ANKS1B: variants seen among roughly 807,000 people sequenced by gnomAD.
ANKS1B encodes ankyrin repeat and sterile alpha motif domain containing 1B, also known as ankyrin repeat and sterile alpha motif domain-containing protein 1B.
In ANKS1B, 36 loss-of-function variants were observed where a neutral mutation model predicts 148.3. The ratio of observed to expected loss-of-function variants is 0.24; its 90% CI spans 0.19 to 0.32. The LOEUF is 0.32. ANKS1B is among the 10% of genes least tolerant of loss of function. The pLI is 1.00. For missense variants in ANKS1B, 1,157 were observed against 1,542.6 expected, an observed-to-expected ratio of 0.75 and a Z score of 4.19; for synonymous variants, 542 against 560.8, an observed-to-expected ratio of 0.97 and a Z score of 0.47.
At chr12:99,146,291 C>A (rs1002071531) in intron 15 of ANKS1B, among the ~76,000 whole-genome samples, 2 of 152,012 alleles carry the variant, frequency 1.3e-5, no homozygotes, top group African/African-American at 4.8e-5. Context: ...AACTGTGATG[C>A]AATAGAATAA....
chr12:98,758,680 G>GA (rs1258490267), intron 25 of ANKS1B, among the ~76,000 whole-genome samples: 1 of 152,138 alleles, frequency 6.6e-6, no homozygotes, highest in Non-Finnish European at 1.5e-5. Context: ...GTCCAATGGG[G>GA]AAAAACCTCC....
intron 16 of ANKS1B, among the ~76,000 whole-genome samples, chr12:99,058,615 C>T (rs1489884565): frequency 6.6e-6 from 1 of 151,408 alleles, no homozygotes; most frequent in Admixed American, 6.6e-5. Context: ...ATTTTTGGGG[C>T]ATAATCCACT....
intron 9 of ANKS1B, among the ~76,000 whole-genome samples, chr12:99,653,714 C>CTATCA (rs1381472479): frequency 5.4e-5 from 7 of 129,850 alleles, no homozygotes; most frequent in Non-Finnish European, 9.3e-5. Context: ...GAGTCTCACT[C>CTATCA]TATCATAACC....
At chr12:99,837,277 T>A (rs2085003202) in intron 1 of ANKS1B, among the ~76,000 whole-genome samples, 1 of 152,164 alleles carries the variant, frequency 6.6e-6, no homozygotes, top group Non-Finnish European at 1.5e-5. Context: ...CACACCTTGA[T>A]TTTAGCCCAG....
At chr12:99,250,031 A>G (rs570586397) in intron 12 of ANKS1B, among the ~76,000 whole-genome samples, 1 of 152,342 alleles carries the variant, frequency 6.6e-6, no homozygotes, top group East Asian at 1.9e-4. Context: ...GGCATGCCAC[A>G]TTATAGGGGC....
rs1407239287 is a variant in ANKS1B, at chr12:99,650,744, AAAAAT to A, written c.1272+4318_1272+4322del. Among the ~76,000 whole-genome samples the A allele has an allele frequency of 2.0e-5, 3 of 152,322 alleles. No homozygotes were observed. The East Asian group carries it at 5.8e-4, about 29-fold the overall frequency. The stretch of plus-strand genomic sequence containing the variant: ...CCAATTTTAGTATTCTTGGAGATAG[AAAAAT>A]AAAATGTAATATAGGATCAATTCAT... On this transcript the variant is annotated intron_variant, in intron 9 of 26. Coordinates refer to ENST00000683438, the MANE Select transcript of ANKS1B (RefSeq NM_001352186.2).
chr12:99,011,445 G>A (rs1408789920), intron 17 of ANKS1B, among the ~76,000 whole-genome samples: 1 of 152,172 alleles, frequency 6.6e-6, no homozygotes, highest in Non-Finnish European at 1.5e-5. Context: ...CTAGTTGAAG[G>A]AGTGCTAAGA....
chr12:99,168,165 G>A (rs2077374307), intron 14 of ANKS1B, among the ~76,000 whole-genome samples: 1 of 152,156 alleles, frequency 6.6e-6, no homozygotes, highest in African/African-American at 2.4e-5. Context: ...GTATCAAAAA[G>A]GGTACACTTT....
At chr12:99,288,318 T>C (rs762647899) in intron 12 of ANKS1B, among the ~76,000 whole-genome samples, 29 of 152,018 alleles carry the variant, frequency 1.9e-4, no homozygotes, top group Non-Finnish European at 3.5e-4. Flanking sequence ...TAGGTGAAAA[T>C]ATCCTTCAAA....
intron 15 of ANKS1B, among the ~76,000 whole-genome samples, chr12:99,134,645 TCA>T (rs4016023): frequency 0.049 from 5,134 of 104,460 alleles, 140 homozygotes; most frequent in Non-Finnish European, 0.06. Flanking sequence ...TCTCTCTCTC[TCA>T]CACACACACA....
At chr12:98,896,405 A>G (rs1410283376) in intron 17 of ANKS1B, among the ~76,000 whole-genome samples, 1 of 152,226 alleles carries the variant, frequency 6.6e-6, no homozygotes, top group Non-Finnish European at 1.5e-5. Flanking sequence ...TTACAACTCT[A>G]TGAAGGTTTC....
intron 15 of ANKS1B, among the ~76,000 whole-genome samples, chr12:99,087,077 G>A (rs896530960): frequency 6.6e-6 from 1 of 152,176 alleles, no homozygotes; most frequent in Non-Finnish European, 1.5e-5. Flanking sequence ...GAATGATGCA[G>A]AAATGTGGAA....
At chr12:99,568,820 GA>G (rs1219945356) in intron 9 of ANKS1B, among the ~76,000 whole-genome samples, 1 of 152,196 alleles carries the variant, frequency 6.6e-6, no homozygotes, top group Non-Finnish European at 1.5e-5. Context: ...GTAAGGAAAT[GA>G]AAGCACACAG....
chr12:99,347,998 G>T (rs892247174), intron 12 of ANKS1B, among the ~76,000 whole-genome samples: 5 of 151,826 alleles, frequency 3.3e-5, no homozygotes, highest in African/African-American at 9.7e-5. Flanking sequence ...AGGCAGAAAT[G>T]ATATAAAGGA....
At chr12:98,758,780 C>CTTTTTT (rs59375322) in intron 25 of ANKS1B, among the ~76,000 whole-genome samples, 11 of 120,630 alleles carry the variant, frequency 9.1e-5, no homozygotes, top group Non-Finnish European at 1.5e-4. Context: ...CTTTTCCTTC[C>CTTTTTT]TTTTTTTTTT....
intron 25 of ANKS1B, among the ~76,000 whole-genome samples, chr12:98,758,722 C>T (rs975480511): frequency 6.6e-6 from 1 of 151,780 alleles, no homozygotes; most frequent in African/African-American, 2.4e-5. Flanking sequence ...TCTTCCCTTC[C>T]CTTCTCTTCT....
Position 99,672,840 on chromosome 12 carries a change from C to T in ANKS1B, c.1129-17630G>A, listed in dbSNP as rs537573187. On this transcript the variant is annotated intron_variant, in intron 8 of 26. Transcript: ENST00000683438. ...TTTGGTGTTAAACTTTCTTGGGAAACTTCAACACAGAAATATAAGCAGGAA... is the reference window on the plus strand; with the variant it reads ...TTTGGTGTTAAACTTTCTTGGGAAATTTCAACACAGAAATATAAGCAGGAA... Among the ~76,000 whole-genome samples the T allele has an allele frequency of 3.9e-4, 59 of 152,148 alleles. 1 individual carries two copies. Among genetic ancestry groups the T allele is most frequent in the African/African-American group, 1.3e-3 (56 of 41,512 alleles).
In ANKS1B at chr12:99,666,857, GGTGTGTGTGTGTGT is replaced by G. The variant is rs3083633; in HGVS notation, c.1129-11661_1129-11648del. Among the ~76,000 whole-genome samples the G allele has an allele frequency of 1.7e-4, 22 of 132,628 alleles. 1 individual carries two copies. The highest frequency in any genetic ancestry group is 1.4e-3 in the South Asian group (6 of 4,300). 87.0% of individuals were successfully genotyped at this position (132,628 alleles called of 152,430 possible). The stretch of plus-strand genomic sequence containing the variant: ...CCATCACGTCATATAGTTACTATGG[GGTGTGTGTGTGTGT>G]GTGTGTGTGTGTGTGTGTGTGTGTG... On this transcript the variant is annotated intron_variant, in intron 8 of 26. Coordinates refer to ENST00000683438, the MANE Select transcript of ANKS1B (RefSeq NM_001352186.2).
At chr12:99,259,923 G>A (rs1335474633) in intron 12 of ANKS1B, among the ~76,000 whole-genome samples, 1 of 152,198 alleles carries the variant, frequency 6.6e-6, no homozygotes, top group Non-Finnish European at 1.5e-5. Context: ...CCATAGCCTA[G>A]AGCCAGATGA....
Sources: allele counts gnomAD v4.1 joint callset (sites outside exome capture counted in the v4.1 genomes callset), GRCh38; gene constraint gnomAD v4.1.1; transcripts MANE v1.5; gene names NCBI Gene and HGNC (gene_info 2026-07-23, HGNC 2026-07-21).